The following KIAA0040 variants were observed in gnomAD, a reference collection of about 807,000 sequenced individuals.
The protein encoded by KIAA0040 is KIAA0040.
Under a neutral mutation model 7.2 loss-of-function variants are expected in KIAA0040, and 10 were observed. The ratio of observed to expected loss-of-function variants is 1.38; its 90% CI spans 0.85 to 2.34. The LOEUF is 2.34. Ranked by LOEUF, KIAA0040 falls within the 30% of genes most tolerant of loss-of-function variation. KIAA0040 has a pLI of 0.00. For missense variants in KIAA0040, 89 were observed against 108.2 expected, an observed-to-expected ratio of 0.82 and a Z score of 0.79; for synonymous variants, 49 against 40.1, an observed-to-expected ratio of 1.22 and a Z score of -0.84.
chr1:175,164,667 T>C (rs1330745454), intron 3 of KIAA0040, among the ~76,000 whole-genome samples: 1 of 152,216 alleles, frequency 6.6e-6, no homozygotes, highest in Non-Finnish European at 1.5e-5. Context: ...AGAGTATTCA[T>C]TAACATTTGG....
chr1:175,170,382 G>T (rs533096123), intron 2 of KIAA0040, among the ~76,000 whole-genome samples: 1 of 152,058 alleles, frequency 6.6e-6, no homozygotes, highest in East Asian at 1.9e-4. Context: ...CTTTCAATTC[G>T]TCTTTCTAAA....
At chr1:175,178,984 T>G in intron 1 of KIAA0040, among the ~76,000 whole-genome samples, 1 of 149,322 alleles carries the variant, frequency 6.7e-6, no homozygotes, top group Non-Finnish European at 1.5e-5. Context: ...GGGGGGGATA[T>G]CATGGAGGAG....
rs1421446721 is a variant in KIAA0040 at position 175,158,631 on chromosome 1, A to T, written c.*2083T>A. 1 of 152,302 alleles carries T rather than the reference A, an allele frequency of 6.6e-6. No homozygotes were observed. Among genetic ancestry groups the T allele is most frequent in the Admixed American group, 6.5e-5 (1 of 15,270 alleles). 9.4% of individuals were successfully genotyped at this position (152,302 alleles called of 1,614,324 possible). A position where few individuals can be genotyped will look rare whatever the true frequency, so the allele number is the denominator to read the frequency against. ...CCTGGGTTTGGTGCAGGCAGATGGC[A>T]AGTCATTCTGTTATGTGAAGGGCAC... On this transcript the variant is annotated 3_prime_UTR_variant, in exon 4 of 4. Coordinates refer to ENST00000423313, the MANE Select transcript of KIAA0040 (RefSeq NM_014656.3).
chr1:175,179,152 C>T (rs903703356), intron 1 of KIAA0040, among the ~76,000 whole-genome samples: 7 of 151,788 alleles, frequency 4.6e-5, no homozygotes, highest in Non-Finnish European at 7.4e-5. Flanking sequence ...GGTATGGCAG[C>T]GAAGAAGGCT....
At chr1:175,164,538 C>A (rs1291500065) in intron 3 of KIAA0040, among the ~76,000 whole-genome samples, 2 of 145,634 alleles carry the variant, frequency 1.4e-5, no homozygotes, top group African/African-American at 5.0e-5. Flanking sequence ...ACTCATCCAT[C>A]CCTTGGCACC....
intron 2 of KIAA0040, among the ~76,000 whole-genome samples, chr1:175,172,606 C>T (rs1198983218): frequency 6.6e-6 from 1 of 152,174 alleles, no homozygotes; most frequent in Non-Finnish European, 1.5e-5. Flanking sequence ...CCTGTCTCCA[C>T]CACTAACATG....
At chr1:175,168,340 A>T (rs940036775) in intron 2 of KIAA0040, among the ~76,000 whole-genome samples, 1 of 152,132 alleles carries the variant, frequency 6.6e-6, no homozygotes, top group Non-Finnish European at 1.5e-5. Flanking sequence ...TCCCCAATTT[A>T]ATGAATTGCT....
intron 2 of KIAA0040, among the ~76,000 whole-genome samples, chr1:175,171,630 A>G (rs1676999375): frequency 6.6e-6 from 1 of 152,186 alleles, no homozygotes; most frequent in Non-Finnish European, 1.5e-5. Context: ...CACTGGAGGG[A>G]GAAATAATGA....
rs1371258310 is a variant in KIAA0040 at position 175,159,016 on chromosome 1, T to G, written c.*1698A>C. 6.6e-6 allele frequency: 1 copy of G among 152,218 alleles called. No individual in the cohort carries two copies. Among genetic ancestry groups the G allele is most frequent in the African/African-American group, 2.4e-5 (1 of 41,450 alleles). The allele number at this position is 152,218 out of a possible 1,614,324, so 9.4% of individuals were successfully genotyped here. The stretch of plus-strand genomic sequence containing the variant: ...TAGTTTTTTGCTACTATAAATATCA[T>G]AGTTTAGCTACATTATTAATTAGAT... On this transcript the variant is annotated 3_prime_UTR_variant, in exon 4 of 4. Coordinates refer to ENST00000423313, the MANE Select transcript of KIAA0040 (RefSeq NM_014656.3).
intron 3 of KIAA0040, among the ~76,000 whole-genome samples, chr1:175,163,687 G>A (rs561074932): frequency 3.3e-5 from 5 of 152,200 alleles, no homozygotes; most frequent in South Asian, 2.1e-4. Context: ...GGATCTTTCT[G>A]CTCTGTTGTG....
rs1431760465 is a variant in KIAA0040, at chr1:175,159,584, T to G, written c.*1130A>C. On this transcript the variant is annotated 3_prime_UTR_variant, in exon 4 of 4. Transcript: ENST00000423313. ...AACTCTGTTACCTCTGCATCCCACC[T>G]GTGCCATACCGTGCACACATCACAA... 1 of 152,348 alleles carries G rather than the reference T, an allele frequency of 6.6e-6. No homozygotes were observed. The highest frequency in any genetic ancestry group is 1.9e-4 in the East Asian group (1 of 5,204). 9.4% of individuals were successfully genotyped at this position (152,348 alleles called of 1,614,324 possible).
chr1:175,183,617 T>C (rs1047524346), intron 1 of KIAA0040, among the ~76,000 whole-genome samples: 12 of 152,236 alleles, frequency 7.9e-5, no homozygotes, highest in Non-Finnish European at 1.0e-4. Flanking sequence ...AGCTTATGGC[T>C]CAGGTAAGTT....
intron 2 of KIAA0040, chr1:175,176,609 A>G (rs1046461472): frequency 6.2e-5 from 9 of 145,940 alleles, no homozygotes; most frequent in Admixed American, 5.6e-4. Context: ...TGCAGAGAAC[A>G]TATATGAGTG....
chr1:175,179,577 A>G (rs1677354437), intron 1 of KIAA0040, among the ~76,000 whole-genome samples: 1 of 152,196 alleles, frequency 6.6e-6, no homozygotes. Context: ...TCCCTTGGGA[A>G]TAGGGGGTGA....
At position 175,160,523 on chromosome 1, in the gene KIAA0040, A is replaced by G; in HGVS notation, c.*191T>C. The G allele has an allele frequency of 1.7e-6, 1 of 603,166 alleles. No homozygotes were observed. The highest frequency in any genetic ancestry group is 2.9e-6 in the Non-Finnish European group (1 of 346,222). The allele number at this position is 603,166 out of a possible 1,614,324, so 37.4% of individuals were successfully genotyped here. A position where few individuals can be genotyped will look rare whatever the true frequency, so the allele number is the denominator to read the frequency against. ...TTGGACACATAGCTGCCAAGACAGT[A>G]TCCAAGAATTGTCCACGTGGTCCCT... is the stretch of plus-strand genomic sequence containing the variant. On this transcript the variant is annotated 3_prime_UTR_variant, in exon 4 of 4. Transcript: ENST00000423313.
In KIAA0040 at chr1:175,160,773, A is replaced by G; in HGVS notation, c.241T>C (p.Trp81Arg). ...KKKKKDEEDLWISAQPKLLQM... is the reference protein window; with the variant it reads ...KKKKKDEEDLRISAQPKLLQM... ...AGAAGCTTGGGTTGAGCAGAGATCC[A>G]GAGGTCTTCTTCATCCTTCTTCTTC... The change falls in exon 4 of 4, where the codon TGG becomes CGG. Residue 81 changes from tryptophan to arginine, a missense_variant. Transcript: ENST00000423313. 6.5e-7 allele frequency: 1 copy of G among 1,547,972 alleles called. No individual in the cohort carries two copies. Among genetic ancestry groups the G allele is most frequent in the Non-Finnish European group, 8.7e-7 (1 of 1,146,492 alleles).
chr1:175,165,931 A>G (rs1182871801), intron 3 of KIAA0040, among the ~76,000 whole-genome samples: 1 of 152,228 alleles, frequency 6.6e-6, no homozygotes, highest in Non-Finnish European at 1.5e-5. Flanking sequence ...AATAAATGTA[A>G]AGCTCTAGAA....
chr1:175,178,219 G>A (rs1677282805), intron 1 of KIAA0040, among the ~76,000 whole-genome samples: 1 of 152,116 alleles, frequency 6.6e-6, no homozygotes, highest in Non-Finnish European at 1.5e-5. Context: ...AAGGGCTAGC[G>A]GGCCATGTCC....
Position 175,160,895 on chromosome 1 carries a change from A to T in KIAA0040, c.119T>A (p.Ile40Asn). Reference sequence around the variant, plus strand: ...GCAACAGATGAAGAGGAGTGTGATGATCACCAAGAGTGGCAGGCCCAGGAG... The same window carrying T: ...GCAACAGATGAAGAGGAGTGTGATGTTCACCAAGAGTGGCAGGCCCAGGAG... The part of the protein sequence containing the change: ...GVLLGLPLLV[I>N]ITLLFICCHC... Residue 40 changes from isoleucine (I) to asparagine (N), a missense_variant, in exon 4 of 4, where the codon ATC becomes AAC. Physicochemically the swap from Ile to Asn is moderately radical, Grantham distance 149. Coordinates refer to ENST00000423313, the MANE Select transcript of KIAA0040 (RefSeq NM_014656.3). 6.4e-7 allele frequency: 1 copy of T among 1,551,556 alleles called. No homozygotes were observed. The highest frequency in any genetic ancestry group is 8.7e-7 in the Non-Finnish European group (1 of 1,146,966).
Sources: gnomAD v4.1 joint callset for allele counts (sites outside exome capture counted in the v4.1 genomes callset) on GRCh38, gnomAD v4.1.1 for gene constraint, MANE v1.5 for transcripts, NCBI Gene and HGNC (gene_info 2026-07-23, HGNC 2026-07-21) for gene names.